The following ZNF334 variants were observed in gnomAD, a reference collection of about 807,000 sequenced individuals.
ZNF334 encodes the protein zinc finger protein 334.
Under a neutral mutation model 12.4 loss-of-function variants are expected in ZNF334, and 14 were observed. That is an observed-to-expected ratio of 1.13 (90% confidence interval 0.74 to 1.76). The LOEUF (loss-of-function observed/expected upper bound fraction) is 1.76, where lower values mean the gene tolerates loss of function less well. Among genes scored for constraint, ZNF334 ranks in the 40% most tolerant of loss-of-function variants. The pLI is 0.00. For synonymous variants in ZNF334, 273 were observed against 269.6 expected, an observed-to-expected ratio of 1.01 and a Z score of -0.12; for missense variants, 797 against 804.5, an observed-to-expected ratio of 0.99 and a Z score of 0.11.
the ZNF334 span, chr20:46,464,801 C>G: frequency 1.9e-6 from 1 of 534,152 alleles, no homozygotes; most frequent in South Asian, 1.4e-5. Context: ...AGCATCTACC[C>G]AGTCCTCTGA....
the ZNF334 span, among the ~76,000 whole-genome samples, chr20:46,479,355 C>A: frequency 6.6e-6 from 1 of 152,130 alleles, no homozygotes; most frequent in South Asian, 2.1e-4. Flanking sequence ...CCCAGGCCCC[C>A]CAACAGACTG....
the ZNF334 span, among the ~76,000 whole-genome samples, chr20:46,467,977 A>G: frequency 6.6e-6 from 1 of 152,214 alleles, no homozygotes; most frequent in Non-Finnish European, 1.5e-5. Flanking sequence ...GACATAACCA[A>G]AGAACAATTA....
chr20:46,482,492 T>G, the ZNF334 span, among the ~76,000 whole-genome samples: 1 of 152,196 alleles, frequency 6.6e-6, no homozygotes, highest in African/African-American at 2.4e-5. Context: ...TGAGTTAAAT[T>G]TTACTTCTGT....
the ZNF334 span, chr20:46,492,553 C>T: frequency 6.5e-6 from 1 of 152,676 alleles, no homozygotes; most frequent in East Asian, 1.9e-4. Context: ...GAGAGAAACA[C>T]TTTGTATGTA....
chr20:46,494,317 C>A, the ZNF334 span, among the ~76,000 whole-genome samples: 1 of 152,204 alleles, frequency 6.6e-6, no homozygotes, highest in Admixed American at 6.5e-5. Context: ...TTCATGCTCT[C>A]ACCTTTCTTT....
chr20:46,495,232 GT>G (rs2061002121), downstream of ZNF334, among the ~76,000 whole-genome samples: 1 of 151,740 alleles, frequency 6.6e-6, no homozygotes, highest in African/African-American at 2.4e-5. Context: ...CTAACAGAGC[GT>G]TTGTGGATTG....
chr20:46,501,331 T>C lies in ZNF334; in HGVS notation c.2008A>G (p.Asn670Asp), dbSNP rs1241263693. ...KCEKTFRHKS[N>D]FLLHQKSHKE ...TGGGATTTCTGATGTAAAAGAAAGT[T>C]TGATTTGTGGCGAAATGTTTTCTCA... Residue 670 changes from asparagine to aspartate, a missense_variant, in exon 5 of 5, where the codon AAC (asparagine) becomes GAC (aspartate). Physicochemically the swap from Asn to Asp is conservative, Grantham distance 23. Transcript: ENST00000692313. The C allele has an allele frequency of 4.3e-6, 7 of 1,611,700 alleles. No individual in the cohort carries two copies. The highest frequency in any genetic ancestry group is 2.2e-5 in the South Asian group (2 of 90,786).
Position 46,502,725 on chromosome 20 carries a change from A to G in ZNF334, c.614T>C (p.Leu205Ser). ...TTTATTATAGTCAAACGGTTGTTTC[A>G]AAATCTGAATGTTCTGGTGCAGAAT... ...NLILHQNIQI[L>S]KQPFDYNKCG... is the part of the protein sequence containing the mutation. The change falls in exon 5 of 5, where the codon TTG becomes TCG. Residue 205 changes from leucine to serine, a missense_variant. Leu to Ser is a moderately radical substitution (Grantham distance 145). Coordinates refer to ENST00000692313, the MANE Select transcript of ZNF334 (RefSeq NM_001353824.2). 6.2e-7 allele frequency: 1 copy of G among 1,613,692 alleles called. No individual in the cohort carries two copies. The highest frequency in any genetic ancestry group is 8.5e-7 in the Non-Finnish European group (1 of 1,179,996).
At chr20:46,487,705 A>C in the ZNF334 span, among the ~76,000 whole-genome samples, 1 of 152,214 alleles carries the variant, frequency 6.6e-6, no homozygotes, top group Non-Finnish European at 1.5e-5. Context: ...ATTTTGTCTG[A>C]TATTAACATA....
intron 1 of ZNF334, 108 bp downstream of exon 1, chr20:46,512,432 G>C (rs1436193050): frequency 4.5e-6 from 1 of 220,152 alleles, no homozygotes; most frequent in Admixed American, 5.4e-5. Flanking sequence ...AGGAGACTAG[G>C]TCAACGAAAG....
the ZNF334 span, among the ~76,000 whole-genome samples, chr20:46,486,862 T>A: frequency 6.6e-6 from 1 of 152,200 alleles, no homozygotes; most frequent in African/African-American, 2.4e-5. Flanking sequence ...CTCCTTGTTT[T>A]AATTCTCATT....
At chr20:46,508,808 G>A (rs765928770) in intron 2 of ZNF334, among the ~76,000 whole-genome samples, 17 of 152,232 alleles carry the variant, frequency 1.1e-4, no homozygotes, top group Non-Finnish European at 1.5e-4. Flanking sequence ...TCATATAAAC[G>A]AAAAATCCTG....
chr20:46,500,224 G>C lies in ZNF334; in HGVS notation c.*1072C>G, dbSNP rs1568846459. ...ATGCCTGGGGCAGAATGCATAATGTGGCAGAGAAGCTAGGAATGGGTATAG... is the reference window on the plus strand; with the variant it reads ...ATGCCTGGGGCAGAATGCATAATGTCGCAGAGAAGCTAGGAATGGGTATAG... On this transcript the variant is annotated 3_prime_UTR_variant, in exon 5 of 5. Transcript: ENST00000692313. 1.3e-5 allele frequency: 2 copies of C among 152,132 alleles called. No individual in the cohort carries two copies. The highest frequency in any genetic ancestry group is 4.8e-5 in the African/African-American group (2 of 41,424). The allele number at this position is 152,132 out of a possible 1,614,324, so 9.4% of individuals were successfully genotyped here. A position where few individuals can be genotyped will look rare whatever the true frequency, so the allele number is the denominator to read the frequency against.
rs2061176461 is a variant in ZNF334, at chr20:46,501,678, C to A, written c.1661G>T (p.Cys554Phe). 1 of 1,613,910 alleles carries A rather than the reference C, an allele frequency of 6.2e-7. No individual in the cohort carries two copies. Among genetic ancestry groups the A allele is most frequent in the African/African-American group, 1.3e-5 (1 of 74,886 alleles). ...YECNECGRTY[C>F]RKSALTHHQR... Reference sequence around the variant, plus strand: ...ATGGTGAGTCAGGGCTGACTTCCTGCAGTAGGTTCTCCCACATTCATTGCA... The same window carrying A: ...ATGGTGAGTCAGGGCTGACTTCCTGAAGTAGGTTCTCCCACATTCATTGCA... Residue 554 changes from cysteine (C) to phenylalanine (F), a missense_variant, in exon 5 of 5, where the codon TGC becomes TTC. By Grantham distance (205) the Cys-to-Phe change is radical. Coordinates refer to ENST00000692313, the MANE Select transcript of ZNF334 (RefSeq NM_001353824.2).
At position 46,500,648 on chromosome 20, in the gene ZNF334, A is replaced by C. The variant is rs1296503760; in HGVS notation, c.*648T>G. The C allele has an allele frequency of 3.3e-5, 5 of 152,226 alleles. No individual in the cohort carries two copies. The highest frequency in any genetic ancestry group is 1.2e-4 in the African/African-American group (5 of 41,458). 9.4% of individuals were successfully genotyped at this position (152,226 alleles called of 1,614,324 possible). Reference sequence around the variant, plus strand: ...TCTTGACTTAGCTGAAAGCTTCAGGATCATGAACTAGTTATCCTGTGCCTA... The same window carrying C: ...TCTTGACTTAGCTGAAAGCTTCAGGCTCATGAACTAGTTATCCTGTGCCTA... On this transcript the variant is annotated 3_prime_UTR_variant, in exon 5 of 5. Coordinates refer to ENST00000692313, the MANE Select transcript of ZNF334 (RefSeq NM_001353824.2).
chr20:46,462,740 T>C, the ZNF334 span, among the ~76,000 whole-genome samples: 1 of 152,196 alleles, frequency 6.6e-6, no homozygotes, highest in East Asian at 1.9e-4. Context: ...TATACTGCTT[T>C]GTCCTTTAAA....
the ZNF334 span, among the ~76,000 whole-genome samples, chr20:46,493,557 G>C: frequency 2.6e-5 from 4 of 152,186 alleles, no homozygotes; most frequent in African/African-American, 4.8e-5. Context: ...ACTGAGGTGG[G>C]TGGATCACTT....
chr20:46,464,593 G>T, the ZNF334 span: 1 of 410,524 alleles, frequency 2.4e-6, no homozygotes, highest in Non-Finnish European at 4.8e-6. Flanking sequence ...TCCATTGGAG[G>T]TAGGACCTGC....
At chr20:46,496,004 G>A (rs1168155780), downstream of ZNF334, among the ~76,000 whole-genome samples, 2 of 152,152 alleles carry the variant, frequency 1.3e-5, no homozygotes, top group African/African-American at 4.8e-5. Flanking sequence ...TGGCTACATT[G>A]CAGGAACCTT....
Sources: gnomAD v4.1 joint callset for allele counts (sites outside exome capture counted in the v4.1 genomes callset) on GRCh38, gnomAD v4.1.1 for gene constraint, MANE v1.5 for transcripts, NCBI Gene and HGNC (gene_info 2026-07-23, HGNC 2026-07-21) for gene names.